Variants in COX14 observed in about 807,000 individuals in gnomAD.
COX14 encodes cytochrome c oxidase assembly factor COX14.
A neutral mutation model predicts 5.8 loss-of-function variants in COX14; 3 were observed. The observed-to-expected ratio is 0.51, with a 90% confidence interval of 0.23 to 1.33. The LOEUF (loss-of-function observed/expected upper bound fraction) is 1.33. COX14 is among the 40% of genes most tolerant of loss of function. COX14 has a pLI of 0.18. For missense variants in COX14, 72 were observed against 72.1 expected, an observed-to-expected ratio of 1.00 and a Z score of 0.01; for synonymous variants, 25 against 26.1, an observed-to-expected ratio of 0.96 and a Z score of 0.13.
chr12:50,120,273 T>C lies in COX14; in HGVS notation c.*56T>C. The C allele has an allele frequency of 6.9e-7, 1 of 1,441,080 alleles. No homozygotes were observed. Among genetic ancestry groups the C allele is most frequent in the Middle Eastern group, 2.5e-4 (1 of 4,074 alleles). The allele number at this position is 1,441,080 out of a possible 1,614,324, so 89.3% of individuals were successfully genotyped here. On this transcript the variant is annotated 3_prime_UTR_variant, in exon 2 of 2. Coordinates refer to ENST00000550487, the MANE Select transcript of COX14 (RefSeq NM_032901.4). ...GGCCCAAGGCATGCTGTGGAGAGAC[T>C]TCACCTGCCACCATTTCCAGGTCAA...
intron 1 of COX14, among the ~76,000 whole-genome samples, chr12:50,114,526 A>G (rs1951061284): frequency 6.6e-6 from 1 of 152,112 alleles, no homozygotes; most frequent in Admixed American, 6.6e-5. Flanking sequence ...TGCTGGGACT[A>G]CAGGAGTGAG....
At chr12:50,117,188 AT>A (rs1037774418) in intron 1 of COX14, among the ~76,000 whole-genome samples, 2 of 151,672 alleles carry the variant, frequency 1.3e-5, no homozygotes, top group Non-Finnish European at 2.9e-5. Flanking sequence ...TTAAAAAAAA[AT>A]TTTTTTTGTG....
chr12:50,120,364 T>C lies in COX14; in HGVS notation c.*147T>C. The stretch of plus-strand genomic sequence containing the variant: ...AAAGTGCCCATGGTTTCTCTGGTTC[T>C]GCCAGTTTGACAGTTTATGGAGGCT... On this transcript the variant is annotated 3_prime_UTR_variant, in exon 2 of 2. Coordinates refer to ENST00000550487, the MANE Select transcript of COX14 (RefSeq NM_032901.4). 1 of 674,552 alleles carries C rather than the reference T, an allele frequency of 1.5e-6. No homozygotes were observed. Among genetic ancestry groups the C allele is most frequent in the Admixed American group, 3.0e-5 (1 of 33,008 alleles). The allele number at this position is 674,552 out of a possible 1,614,324, so 41.8% of individuals were successfully genotyped here. A position where few individuals can be genotyped will look rare whatever the true frequency, so the allele number is the denominator to read the frequency against.
chr12:50,120,134 A>C lies in COX14; in HGVS notation c.91A>C (p.Ser31Arg). The C allele has an allele frequency of 6.2e-7, 1 of 1,614,134 alleles. No homozygotes were observed. The highest frequency in any genetic ancestry group is 1.1e-5 in the South Asian group (1 of 91,084). Residue 31 changes from serine to arginine, a missense_variant, in exon 2 of 2, where the codon AGT becomes CGT. Coordinates refer to ENST00000550487, the MANE Select transcript of COX14 (RefSeq NM_032901.4). ...LLTVYGGYLC[S>R]VRVYHYFQWR... The stretch of plus-strand genomic sequence containing the variant: ...CACTGTGTATGGGGGGTACCTCTGC[A>C]GTGTCCGAGTCTACCACTATTTCCA...
At chr12:50,118,132 C>T (rs534456907) in intron 1 of COX14, among the ~76,000 whole-genome samples, 3 of 151,658 alleles carry the variant, frequency 2.0e-5, no homozygotes, top group South Asian at 2.1e-4. Context: ...CTGCAACCTC[C>T]GCCTCCCAGG....
intron 1 of COX14, among the ~76,000 whole-genome samples, chr12:50,113,517 A>T (rs1274683161): frequency 6.7e-6 from 1 of 148,774 alleles, no homozygotes; most frequent in Non-Finnish European, 1.5e-5. Flanking sequence ...GTTAGCCAGG[A>T]TGGTCTCGAT....
At chr12:50,116,142 G>A (rs1314918604) in intron 1 of COX14, among the ~76,000 whole-genome samples, 2 of 150,978 alleles carry the variant, frequency 1.3e-5, no homozygotes, top group Non-Finnish European at 2.9e-5. Flanking sequence ...CCCCATGCTG[G>A]AGTGCCGTGG....
At chr12:50,116,412 G>C (rs1209696504) in intron 1 of COX14, among the ~76,000 whole-genome samples, 1 of 152,190 alleles carries the variant, frequency 6.6e-6, no homozygotes, top group Admixed American at 6.5e-5. Context: ...TTTGCTAATT[G>C]GATATTAGGG....
chr12:50,112,579 G>A (rs1018970425), intron 1 of COX14: 33 of 632,158 alleles, frequency 5.2e-5, no homozygotes, highest in Non-Finnish European at 3.0e-5. Context: ...CTCCAACTCT[G>A]CCTCTTCCTT....
chr12:50,116,777 C>T (rs1387520884), intron 1 of COX14, among the ~76,000 whole-genome samples: 1 of 152,174 alleles, frequency 6.6e-6, no homozygotes, highest in Non-Finnish European at 1.5e-5. Context: ...GAACACAATC[C>T]TTTCTCATCT....
At chr12:50,113,035 T>G (rs1565750890) in intron 1 of COX14, 1 of 150,948 alleles carries the variant, frequency 6.6e-6, no homozygotes, top group African/African-American at 2.4e-5. Flanking sequence ...TTTTTTTTGT[T>G]GTTGTTGTTG....
intron 1 of COX14, among the ~76,000 whole-genome samples, chr12:50,113,346 C>T (rs1327166004): frequency 6.6e-6 from 1 of 151,176 alleles, no homozygotes; most frequent in Non-Finnish European, 1.5e-5. Flanking sequence ...CTCTGTCGCC[C>T]AGGCTGGGGT....
Position 50,113,842 on chromosome 12 carries a change from A to G in COX14, c.-9+1541A>G, listed in dbSNP as rs147754891. ...AAGACAGGGTTTTATCATATTGGCC[A>G]AGATGGTCTCGAACTCCTGACCTCA... On this transcript the variant is annotated intron_variant, in intron 1 of 1. Coordinates refer to ENST00000550487, the MANE Select transcript of COX14 (RefSeq NM_032901.4). 2.5e-4 allele frequency among the ~76,000 whole-genome samples: 38 copies of G among 152,122 alleles called. No homozygotes were observed. The East Asian group carries it at 7.4e-3, about 29-fold the overall frequency.
chr12:50,115,189 G>A (rs1251272197), intron 1 of COX14, among the ~76,000 whole-genome samples: 3 of 150,576 alleles, frequency 2.0e-5, no homozygotes, highest in Non-Finnish European at 4.4e-5. Context: ...TTACCAGTGT[G>A]AGCCACCATG....
At chr12:50,113,180 A>T (rs958392078) in intron 1 of COX14, among the ~76,000 whole-genome samples, 5 of 144,468 alleles carry the variant, frequency 3.5e-5, no homozygotes, top group Non-Finnish European at 7.7e-5. Context: ...CGGCCGATGT[A>T]CTACTCTCTA....
chr12:50,117,806 A>G (rs554580874), intron 1 of COX14, among the ~76,000 whole-genome samples: 10 of 144,230 alleles, frequency 6.9e-5, no homozygotes, highest in African/African-American at 2.6e-4. Flanking sequence ...GTGCAGTGGC[A>G]CGATCTCAGC....
In COX14 at chr12:50,120,411, G is replaced by A; in HGVS notation, c.*194G>A. Reference sequence around the variant, plus strand: ...GGCTTTTGAATCGTAATAGCAATGTGAGGGTGAGGTACACCTACAGACATT... The same window carrying A: ...GGCTTTTGAATCGTAATAGCAATGTAAGGGTGAGGTACACCTACAGACATT... On this transcript the variant is annotated 3_prime_UTR_variant, in exon 2 of 2. Transcript: ENST00000550487. 1 of 570,806 alleles carries A rather than the reference G, an allele frequency of 1.8e-6. No individual in the cohort carries two copies. The highest frequency in any genetic ancestry group is 3.2e-6 in the Non-Finnish European group (1 of 313,534). The allele number at this position is 570,806 out of a possible 1,614,324, so 35.4% of individuals were successfully genotyped here. A position where few individuals can be genotyped will look rare whatever the true frequency, so the allele number is the denominator to read the frequency against.
At chr12:50,113,666 C>T (rs1407450936) in intron 1 of COX14, among the ~76,000 whole-genome samples, 2 of 139,682 alleles carry the variant, frequency 1.4e-5, no homozygotes, top group Non-Finnish European at 1.6e-5. Context: ...GGAGTCTCGC[C>T]CTGTCGCCCA....
chr12:50,119,532 C>T (rs562279569), intron 1 of COX14, among the ~76,000 whole-genome samples: 62 of 152,276 alleles, frequency 4.1e-4, no homozygotes, highest in African/African-American at 1.4e-3. Flanking sequence ...CCTGTCTCTA[C>T]AAAAGTAGAA....
Sources: gnomAD v4.1 joint callset for allele counts (sites outside exome capture counted in the v4.1 genomes callset) on GRCh38, gnomAD v4.1.1 for gene constraint, MANE v1.5 for transcripts, NCBI Gene and HGNC (gene_info 2026-07-23, HGNC 2026-07-21) for gene names.